ZIM3: variants seen among roughly 807,000 people sequenced by gnomAD.
ZIM3 encodes the protein zinc finger imprinted 3.
Under a neutral mutation model 12.9 loss-of-function variants are expected in ZIM3, and 11 were observed. That is an observed-to-expected ratio of 0.85 (90% confidence interval 0.54 to 1.41). The LOEUF is 1.41. Among genes scored for constraint, ZIM3 ranks in the 40% most tolerant of loss-of-function variants. ZIM3 has a pLI of 0.00. For synonymous variants in ZIM3, 205 were observed against 198.5 expected (o/e 1.03, Z -0.28); for missense variants, 604 against 557.2 (o/e 1.08, Z -0.85).
intron 2 of ZIM3, among the ~76,000 whole-genome samples, chr19:57,142,308 C>A (rs1349373099): frequency 6.6e-6 from 1 of 151,896 alleles, no homozygotes; most frequent in Non-Finnish European, 1.5e-5. Context: ...CACCACCACA[C>A]CCAGCTAATT....
Position 57,135,874 on chromosome 19 carries a change from C to T in ZIM3, c.463G>A (p.Val155Ile), listed in dbSNP as rs1305768458. ...ACAAATTTGGATGGATTATTGCCAA[C>T]TAATTTTCTGTATCCATTATCATCG... is the stretch of plus-strand genomic sequence containing the variant. ...SHDDNGYRKL[V>I]GNNPSKFVGQ... is the part of the protein sequence containing the mutation. Residue 155 changes from valine to isoleucine, a missense_variant, in exon 5 of 5, where the codon GTT (valine) becomes ATT (isoleucine). Val to Ile is a conservative substitution (Grantham distance 29). Coordinates refer to ENST00000269834, the MANE Select transcript of ZIM3 (RefSeq NM_052882.1). The T allele has an allele frequency of 1.2e-6, 2 of 1,614,124 alleles. No homozygotes were observed. The highest frequency in any genetic ancestry group is 1.7e-6 in the Non-Finnish European group (2 of 1,180,028).
rs773879897 is a variant in ZIM3 at position 57,135,602 on chromosome 19, A to G, written c.735T>C (p.His245=). 11 of 1,613,862 alleles carry G rather than the reference A, an allele frequency of 6.8e-6. No individual in the cohort carries two copies. Among genetic ancestry groups the G allele is most frequent in the Non-Finnish European group, 9.3e-6 (11 of 1,179,990 alleles). Residue 245 remains histidine (H), a synonymous_variant, in exon 5 of 5, where the codon CAT becomes CAC. Transcript: ENST00000269834. Reference sequence around the variant, plus strand: ...TACACTGATAGGGTTTCTCTTTAGTATGCATTTTCTGATGTTGAAAGAGAT... The same window carrying G: ...TACACTGATAGGGTTTCTCTTTAGTGTGCATTTTCTGATGTTGAAAGAGAT... ...KSNLFQHQKM[H]TKEKPYQCKT... is the part of the protein sequence containing the mutation.
In ZIM3 at chr19:57,136,075, C is replaced by G. The variant is rs2086885571; in HGVS notation, c.262G>C (p.Gly88Arg). 1.2e-6 allele frequency: 2 copies of G among 1,605,564 alleles called. No homozygotes were observed. Among genetic ancestry groups the G allele is most frequent in the Non-Finnish European group, 1.7e-6 (2 of 1,176,452 alleles). ...GRAEKNGDIG[G>R]QIWKPKDVKE... ...ACATCCTTTGGCTTCCAAATCTGCCCTCCAATGTCCCCATTTTTTTCTAAA... is the reference window on the plus strand; with the variant it reads ...ACATCCTTTGGCTTCCAAATCTGCCGTCCAATGTCCCCATTTTTTTCTAAA... The change falls in exon 5 of 5, where the codon GGG becomes CGG. Residue 88 changes from glycine (G) to arginine (R), a missense_variant. Transcript: ENST00000269834.
chr19:57,136,119 T>C, intron 4 of ZIM3, 24 bp from the exon 5 acceptor site: 1 of 1,584,394 alleles, frequency 6.3e-7, no homozygotes, highest in Non-Finnish European at 8.6e-7. Flanking sequence ...CAAAAAAATG[T>C]CCTGTGTAAA....
Position 57,141,012 on chromosome 19 carries a change from C to T in ZIM3, c.15+1617G>A, listed in dbSNP as rs557698386. On this transcript the variant is annotated intron_variant, in intron 2 of 4. Transcript: ENST00000269834. ...GAGGACACACATTCAAGACACCAAT[C>T]ATTTAAAAAATAGGTTGGGGTGAAA... is the stretch of plus-strand genomic sequence containing the variant. Among the ~76,000 whole-genome samples the T allele has an allele frequency of 2.0e-5, 3 of 152,234 alleles. No individual in the cohort carries two copies. In the East Asian group the frequency reaches 5.8e-4, roughly 29 times the overall value.
chr19:57,137,914 GGAAGGAAA>G (rs1568458776), intron 3 of ZIM3, among the ~76,000 whole-genome samples: 7 of 49,578 alleles, frequency 1.4e-4, no homozygotes, highest in African/African-American at 5.3e-4. Context: ...AAGGAAGGAA[GGAAGGAAA>G]GAAGGAAGGA....
At chr19:57,136,999 G>A in intron 3 of ZIM3, 28 bp from the exon 4 acceptor site, 1 of 1,610,710 alleles carries the variant, frequency 6.2e-7, no homozygotes, top group Non-Finnish European at 8.5e-7. Context: ...GCAAGGCTTG[G>A]TGTTTGTGGA....
Position 57,138,498 on chromosome 19 carries a change from T to C in ZIM3, c.116A>G (p.Glu39Gly), listed in dbSNP as rs202016724. 1.2e-6 allele frequency: 2 copies of C among 1,614,190 alleles called. No individual in the cohort carries two copies. The highest frequency in any genetic ancestry group is 2.2e-5 in the East Asian group (1 of 44,876). ...CACAGAGACAAGGTTGCTGTAATTC[T>C]CCAGCATCACATCCCTGTACAAGTT... Reference protein sequence around the residue: ...QRNLYRDVMLENYSNLVSVGQ... With the variant: ...QRNLYRDVMLGNYSNLVSVGQ... The change falls in exon 3 of 5, where the codon GAG becomes GGG. Residue 39 changes from glutamate (E) to glycine (G), a missense_variant. By Grantham distance (98) the Glu-to-Gly change is moderately conservative (BLOSUM62 -2). Coordinates refer to ENST00000269834, the MANE Select transcript of ZIM3 (RefSeq NM_052882.1).
chr19:57,137,126 T>C (rs1459337965), intron 3 of ZIM3, among the ~76,000 whole-genome samples, 155 bp from the exon 4 acceptor site: 2 of 151,988 alleles, frequency 1.3e-5, no homozygotes, highest in African/African-American at 4.8e-5. Flanking sequence ...GTGCCATTGG[T>C]TGGGGGGAGT....
intron 4 of ZIM3, among the ~76,000 whole-genome samples, chr19:57,136,387 G>T (rs1473503117): frequency 6.6e-6 from 1 of 152,126 alleles, no homozygotes; most frequent in East Asian, 1.9e-4. Flanking sequence ...GCCAGGCCAG[G>T]CACAGGGGCT....
intron 4 of ZIM3, among the ~76,000 whole-genome samples, chr19:57,136,590 G>A (rs2086887821): frequency 1.3e-5 from 2 of 151,526 alleles, no homozygotes; most frequent in Non-Finnish European, 2.9e-5. Flanking sequence ...TTCGAACTCG[G>A]GAGGCGGAGG....
intron 1 of ZIM3, among the ~76,000 whole-genome samples, chr19:57,144,081 T>G (rs2086926853): frequency 6.6e-6 from 1 of 152,108 alleles, no homozygotes; most frequent in Non-Finnish European, 1.5e-5. Flanking sequence ...AGGCAGGGTC[T>G]CATTCTGTCA....
chr19:57,138,563 G>A lies in ZIM3; in HGVS notation c.51C>T (p.Phe17=), dbSNP rs770777255. 5.0e-6 allele frequency: 8 copies of A among 1,614,152 alleles called. No homozygotes were observed. The highest frequency in any genetic ancestry group is 2.2e-5 in the East Asian group (1 of 44,866). ...TCAGCCGCTGCCACTCCCCCTGGGT[G>A]AAGTTCACAGTGACATCCTCGAAGG... ...RVTFEDVTVN[F]TQGEWQRLNP... The change falls in exon 3 of 5, where the codon TTC becomes TTT. Residue 17 remains phenylalanine, a synonymous_variant. Transcript: ENST00000269834.
At position 57,134,362 on chromosome 19, in the gene ZIM3, C is replaced by T. The variant is rs2086875040; in HGVS notation, c.*556G>A. On this transcript the variant is annotated 3_prime_UTR_variant, in exon 5 of 5. Coordinates refer to ENST00000269834, the MANE Select transcript of ZIM3 (RefSeq NM_052882.1). ...TGGTGCAATATTGGCTCACTGCAAC[C>T]TCTACCTCCCAGGTTCAAGCAATTC... The T allele has an allele frequency of 6.5e-6, 1 of 152,788 alleles. No individual in the cohort carries two copies. Among genetic ancestry groups the T allele is most frequent in the Non-Finnish European group, 1.5e-5 (1 of 68,470 alleles). The allele number at this position is 152,788 out of a possible 1,614,324, so 9.5% of individuals were successfully genotyped here.
At chr19:57,141,247 T>C (rs2086912094) in intron 2 of ZIM3, among the ~76,000 whole-genome samples, 1 of 151,866 alleles carries the variant, frequency 6.6e-6, no homozygotes, top group Admixed American at 6.6e-5. Context: ...ATACAAAAAT[T>C]AGCCGGGCGT....
At chr19:57,143,147 G>GA (rs1270639511) in intron 1 of ZIM3, among the ~76,000 whole-genome samples, 1 of 152,084 alleles carries the variant, frequency 6.6e-6, no homozygotes, top group Non-Finnish European at 1.5e-5. Flanking sequence ...CCAACACGGT[G>GA]AAACCCTGTC....
Position 57,135,631 on chromosome 19 carries a change from A to C in ZIM3, c.706T>G (p.Ser236Ala), listed in dbSNP as rs2086882703. The change falls in exon 5 of 5, where the codon TCA (serine) becomes GCA (alanine). Residue 236 changes from serine to alanine, a missense_variant. Coordinates refer to ENST00000269834, the MANE Select transcript of ZIM3 (RefSeq NM_052882.1). ...ATTTTCTGATGTTGAAAGAGATTTG[A>C]CTTCTGCTTGTAGGCATTTCCACAG... ...ENCGNAYKQKSNLFQHQKMHT... is the reference protein window; with the variant it reads ...ENCGNAYKQKANLFQHQKMHT... 1.2e-6 allele frequency: 2 copies of C among 1,611,522 alleles called. No individual in the cohort carries two copies. Among genetic ancestry groups the C allele is most frequent in the Admixed American group, 1.7e-5 (1 of 59,908 alleles).
intron 2 of ZIM3, among the ~76,000 whole-genome samples, chr19:57,141,475 T>A (rs2086913840): frequency 1.3e-5 from 2 of 151,636 alleles, no homozygotes; most frequent in South Asian, 4.2e-4. Flanking sequence ...CATAGACAGT[T>A]GTGGGTTTTT....
intron 2 of ZIM3, among the ~76,000 whole-genome samples, chr19:57,140,740 G>A (rs1462943718): frequency 6.6e-6 from 1 of 152,148 alleles, no homozygotes; most frequent in African/African-American, 2.4e-5. Flanking sequence ...CCAAAGTGCT[G>A]GGATTACAGG....
Sources: allele counts gnomAD v4.1 joint callset (sites outside exome capture counted in the v4.1 genomes callset), GRCh38; gene constraint gnomAD v4.1.1; transcripts MANE v1.5; gene names NCBI Gene and HGNC (gene_info 2026-07-23, HGNC 2026-07-21).